Variants in SLC6A17 observed in about 807,000 individuals in gnomAD.
SLC6A17 encodes sodium-dependent neutral amino acid transporter SLC6A17.
Under a neutral mutation model 64.5 loss-of-function variants are expected in SLC6A17, and 21 were observed. The observed-to-expected ratio is 0.33, with a 90% confidence interval of 0.23 to 0.47. The LOEUF is 0.47. Ranked by LOEUF, SLC6A17 falls within the 20% of genes least tolerant of loss-of-function variation. The pLI is 1.00. For synonymous variants in SLC6A17, 372 were observed against 399.5 expected (o/e 0.93, Z 0.82); for missense variants, 682 against 963.2 (o/e 0.71, Z 3.86).
intron 1 of SLC6A17, among the ~76,000 whole-genome samples, 169 bp downstream of exon 1, chr1:110,151,052 C>T (rs1655585807): frequency 6.6e-6 from 1 of 152,228 alleles, no homozygotes; most frequent in Non-Finnish European, 1.5e-5. Context: ...CCGCTCCAGC[C>T]GCCGTTGCCT....
chr1:110,167,352 C>T (rs1656095397), intron 2 of SLC6A17, 137 bp downstream of exon 2: 1 of 1,099,004 alleles, frequency 9.1e-7, no homozygotes. Context: ...TAAGACAGCC[C>T]AGGAATAGCT....
At chr1:110,155,645 C>A (rs1420559596) in intron 1 of SLC6A17, among the ~76,000 whole-genome samples, 2 of 152,178 alleles carry the variant, frequency 1.3e-5, no homozygotes, top group South Asian at 4.1e-4. Context: ...ACTGAGCTGC[C>A]ACTCTGCCTT....
rs1474134100 is a variant in SLC6A17, at chr1:110,198,540, C to G, written c.*96C>G. On this transcript the variant is annotated 3_prime_UTR_variant, in exon 12 of 12. Transcript: ENST00000331565. ...CTTGAGGTGGCCACCAGGCCCAGGC[C>G]AGGCCCTTTGCCCAAGAAGAGAGGG... The G allele has an allele frequency of 4.6e-6, 7 of 1,510,908 alleles. No homozygotes were observed. In the African/African-American group the frequency reaches 9.7e-5, roughly 21 times the overall value. The allele number at this position is 1,510,908 out of a possible 1,614,324, so 93.6% of individuals were successfully genotyped here.
intron 6 of SLC6A17, among the ~76,000 whole-genome samples, chr1:110,183,704 G>A (rs1656590931): frequency 6.6e-6 from 1 of 152,200 alleles, no homozygotes; most frequent in East Asian, 1.9e-4. Flanking sequence ...TCTCAGCTAG[G>A]ACCACACACA....
intron 6 of SLC6A17, among the ~76,000 whole-genome samples, chr1:110,182,730 G>A (rs1018818755): frequency 6.6e-6 from 1 of 152,020 alleles, no homozygotes; most frequent in African/African-American, 2.4e-5. Context: ...CTGCTGAGAG[G>A]TCAGGTGATG....
intron 1 of SLC6A17, among the ~76,000 whole-genome samples, chr1:110,163,445 G>A (rs1359660230): frequency 6.6e-6 from 1 of 152,158 alleles, no homozygotes; most frequent in African/African-American, 2.4e-5. Context: ...CCAGGCAGTG[G>A]CTGCTACCAT....
intron 8 of SLC6A17, among the ~76,000 whole-genome samples, chr1:110,194,183 A>G (rs1274197029): frequency 6.6e-6 from 1 of 152,220 alleles, no homozygotes; most frequent in Non-Finnish European, 1.5e-5. Flanking sequence ...AGACCACTGC[A>G]TGAAGATCTG....
At chr1:110,174,569 G>C (rs557143741) in intron 4 of SLC6A17, among the ~76,000 whole-genome samples, 1 of 152,202 alleles carries the variant, frequency 6.6e-6, no homozygotes. Flanking sequence ...AGCCAGGCTG[G>C]TGTGTCCTGA....
intron 6 of SLC6A17, among the ~76,000 whole-genome samples, chr1:110,184,998 C>T (rs779097637): frequency 2.0e-5 from 3 of 152,010 alleles, no homozygotes. Flanking sequence ...TTCTGAAGGC[C>T]CAGGGGTGGA....
intron 6 of SLC6A17, among the ~76,000 whole-genome samples, chr1:110,187,967 A>T (rs1001493687): frequency 6.6e-6 from 1 of 152,270 alleles, no homozygotes; most frequent in Non-Finnish European, 1.5e-5. Flanking sequence ...CCAAATAGCC[A>T]TGAAAAACAA....
chr1:110,197,301 C>T lies in SLC6A17; in HGVS notation c.1653-136C>T, dbSNP rs560372377. 10 of 1,172,648 alleles carry T rather than the reference C, an allele frequency of 8.5e-6. No individual in the cohort carries two copies. In the African/African-American group the frequency reaches 1.4e-4, roughly 16 times the overall value. The allele number at this position is 1,172,648 out of a possible 1,614,324, so 72.6% of individuals were successfully genotyped here. On this transcript the variant is annotated intron_variant, in intron 10 of 11. Transcript: ENST00000331565. Reference sequence around the variant, plus strand: ...GGCCAGCCAGACCACACACAATGAGCACTGAATGTGAAGAATAGAAGAGCC... The same window carrying T: ...GGCCAGCCAGACCACACACAATGAGTACTGAATGTGAAGAATAGAAGAGCC...
chr1:110,180,776 A>G (rs1656500988), intron 6 of SLC6A17, among the ~76,000 whole-genome samples: 1 of 152,064 alleles, frequency 6.6e-6, no homozygotes, highest in African/African-American at 2.4e-5. Flanking sequence ...ATTCATATAG[A>G]CTATAATATA....
chr1:110,190,563 TTA>T (rs1656799093), intron 6 of SLC6A17, among the ~76,000 whole-genome samples: 1 of 152,172 alleles, frequency 6.6e-6, no homozygotes, highest in Non-Finnish European at 1.5e-5. Flanking sequence ...GGCTGTGATA[TTA>T]AAGACAGCTA....
Position 110,154,615 on chromosome 1 carries a change from C to G in SLC6A17, c.-88+3732C>G. ...GCTTTCTTGTCCTTTCCCTGCCCTT[C>G]TCTTCCTGACCTCTACTGCCCTTGA... is the stretch of plus-strand genomic sequence containing the variant. On this transcript the variant is annotated intron_variant, in intron 1 of 11. Transcript: ENST00000331565. 1.3e-5 allele frequency among the ~76,000 whole-genome samples: 2 copies of G among 152,356 alleles called. 1 individual carries two copies. Among genetic ancestry groups the G allele is most frequent in the East Asian group, 3.9e-4 (2 of 5,186 alleles).
chr1:110,170,650 C>T (rs1037932346), intron 2 of SLC6A17, among the ~76,000 whole-genome samples: 1 of 152,236 alleles, frequency 6.6e-6, no homozygotes, highest in Non-Finnish European at 1.5e-5. Context: ...TGAGCCCTCT[C>T]TCCTTTGAGC....
chr1:110,171,101 T>C (rs1039776108), intron 2 of SLC6A17, among the ~76,000 whole-genome samples: 3 of 152,086 alleles, frequency 2.0e-5, no homozygotes, highest in African/African-American at 7.2e-5. Flanking sequence ...TTGGTGAACA[T>C]GTGGGATGTT....
At chr1:110,156,859 G>A (rs771411500) in intron 1 of SLC6A17, among the ~76,000 whole-genome samples, 11 of 152,158 alleles carry the variant, frequency 7.2e-5, no homozygotes, top group Non-Finnish European at 8.8e-5. Context: ...TCAGCAGTCC[G>A]TTTGGTAACT....
At position 110,198,613 on chromosome 1, in the gene SLC6A17, T is replaced by C. The variant is rs1657036522; in HGVS notation, c.*169T>C. 7 of 1,178,760 alleles carry C rather than the reference T, an allele frequency of 5.9e-6. No homozygotes were observed. Among genetic ancestry groups the C allele is most frequent in the Non-Finnish European group, 8.1e-6 (7 of 859,724 alleles). The allele number at this position is 1,178,760 out of a possible 1,614,324, so 73.0% of individuals were successfully genotyped here. Reference sequence around the variant, plus strand: ...TTCAGTCCCAGTAGACTCTGCTCCCTAGCCCTGAGCAGGAGGCTGGGAGCA... The same window carrying C: ...TTCAGTCCCAGTAGACTCTGCTCCCCAGCCCTGAGCAGGAGGCTGGGAGCA... On this transcript the variant is annotated 3_prime_UTR_variant, in exon 12 of 12. Transcript: ENST00000331565.
chr1:110,156,841 A>G (rs1224167951), intron 1 of SLC6A17, among the ~76,000 whole-genome samples: 2 of 152,184 alleles, frequency 1.3e-5, no homozygotes. Flanking sequence ...TATTCCTTCA[A>G]GAGCTCTTCA....
Sources: allele counts gnomAD v4.1 joint callset (sites outside exome capture counted in the v4.1 genomes callset), GRCh38; gene constraint gnomAD v4.1.1; transcripts MANE v1.5; gene names NCBI Gene and HGNC (gene_info 2026-07-23, HGNC 2026-07-21).